SETBP1: variants seen among roughly 807,000 people sequenced by gnomAD.
SETBP1 encodes SET-binding protein.
SETBP1 carries 9 observed loss-of-function variants against 101.0 expected under a neutral mutation model. The observed-to-expected ratio is 0.09, with a 90% confidence interval of 0.05 to 0.16. The LOEUF is 0.16. Among genes scored for constraint, SETBP1 ranks in the 10% least tolerant of loss-of-function variants. The pLI is 1.00. For missense variants in SETBP1, 1,858 were observed against 2,033.8 expected, an observed-to-expected ratio of 0.91 and a Z score of 1.66; for synonymous variants, 818 against 788.5, an observed-to-expected ratio of 1.04 and a Z score of -0.63.
intron 4 of SETBP1, among the ~76,000 whole-genome samples, chr18:44,982,506 A>T (rs1228222753): frequency 2.0e-5 from 3 of 152,092 alleles, no homozygotes; most frequent in Non-Finnish European, 2.9e-5. Flanking sequence ...TGAGTTTGTC[A>T]TGAGTTGTTG....
chr18:44,818,633 G>T (rs76710546), intron 2 of SETBP1, among the ~76,000 whole-genome samples: 4,869 of 152,174 alleles, frequency 0.032, 254 homozygotes, highest in African/African-American at 0.11. Flanking sequence ...CTCATGCAAA[G>T]TTAAAGGTCT....
intron 4 of SETBP1, among the ~76,000 whole-genome samples, chr18:44,955,235 T>G (rs1040321232): frequency 9.9e-5 from 15 of 152,216 alleles, no homozygotes; most frequent in Admixed American, 9.8e-4. Context: ...TTTCATGTGC[T>G]TGCATTTATA....
chr18:44,731,803 G>A (rs1040543938), intron 2 of SETBP1, among the ~76,000 whole-genome samples: 6 of 152,064 alleles, frequency 3.9e-5, no homozygotes, highest in African/African-American at 1.2e-4. Context: ...TCTATCAAAC[G>A]GGCATAATTC....
At chr18:44,792,775 T>C (rs2071395745) in intron 2 of SETBP1, among the ~76,000 whole-genome samples, 1 of 152,134 alleles carries the variant, frequency 6.6e-6, no homozygotes, top group Non-Finnish European at 1.5e-5. Flanking sequence ...ACAACCTGAA[T>C]ACCACACACA....
At chr18:44,696,737 C>T (rs2069024668) in intron 1 of SETBP1, among the ~76,000 whole-genome samples, 2 of 152,140 alleles carry the variant, frequency 1.3e-5, no homozygotes, top group African/African-American at 4.8e-5. Flanking sequence ...CCATTCATTG[C>T]TAAGGCAAGT....
intron 4 of SETBP1, among the ~76,000 whole-genome samples, chr18:44,973,350 G>C (rs946661767): frequency 6.6e-6 from 1 of 151,776 alleles, no homozygotes; most frequent in Non-Finnish European, 1.5e-5. Flanking sequence ...TTTTTTTGTT[G>C]TGCTTCTGCC....
chr18:44,994,079 A>G (rs1184584365), intron 4 of SETBP1, among the ~76,000 whole-genome samples: 1 of 152,084 alleles, frequency 6.6e-6, no homozygotes, highest in Non-Finnish European at 1.5e-5. Flanking sequence ...CTGTGAAAAT[A>G]TTTGCATTTT....
At chr18:44,867,391 T>C (rs1226293597) in intron 2 of SETBP1, among the ~76,000 whole-genome samples, 3 of 152,202 alleles carry the variant, frequency 2.0e-5, no homozygotes, top group Non-Finnish European at 4.4e-5. Context: ...CACCTTTCCA[T>C]GTGAAATCAA....
chr18:44,784,484 C>G (rs926533896), intron 2 of SETBP1, among the ~76,000 whole-genome samples: 8 of 152,216 alleles, frequency 5.3e-5, no homozygotes, highest in Admixed American at 5.2e-4. Context: ...ATGTCACTTC[C>G]TCAGAGGGCC....
chr18:44,908,271 G>A (rs1355519935), intron 3 of SETBP1, among the ~76,000 whole-genome samples: 1 of 151,974 alleles, frequency 6.6e-6, no homozygotes, highest in Non-Finnish European at 1.5e-5. Context: ...AACTTGGCCA[G>A]GCTGGTCTTG....
At chr18:44,989,163 T>TCCC (rs2072301430) in intron 4 of SETBP1, 1 of 151,824 alleles carries the variant, frequency 6.6e-6, no homozygotes, top group Non-Finnish European at 1.5e-5. Context: ...AAAATATGAA[T>TCCC]CCCCTCAACT....
At chr18:44,799,798 A>T (rs2071563822) in intron 2 of SETBP1, among the ~76,000 whole-genome samples, 1 of 151,956 alleles carries the variant, frequency 6.6e-6, no homozygotes, top group Admixed American at 6.6e-5. Context: ...AATACTTCTG[A>T]CCTCACTCAC....
chr18:44,872,897 T>C (rs796795109), intron 3 of SETBP1, among the ~76,000 whole-genome samples: 11 of 152,318 alleles, frequency 7.2e-5, no homozygotes, highest in African/African-American at 2.6e-4. Context: ...ACTAAAGGAT[T>C]TGGTCCTCAC....
intron 3 of SETBP1, among the ~76,000 whole-genome samples, chr18:44,892,044 A>G (rs2069784050): frequency 1.3e-5 from 2 of 152,194 alleles, no homozygotes; most frequent in South Asian, 4.1e-4. Flanking sequence ...AACAACAGAA[A>G]TTAAGCTCAA....
chr18:44,685,558 T>C (rs1368781145), intron 1 of SETBP1, among the ~76,000 whole-genome samples: 1 of 152,122 alleles, frequency 6.6e-6, no homozygotes, highest in Non-Finnish European at 1.5e-5. Context: ...ACTTCCCAGT[T>C]AAATGACCCC....
chr18:44,868,994 T>A (rs2069205611), intron 2 of SETBP1, among the ~76,000 whole-genome samples: 1 of 152,044 alleles, frequency 6.6e-6, no homozygotes, highest in Admixed American at 6.5e-5. Context: ...TGATAGCACA[T>A]AGAAATAGTT....
At chr18:44,903,619 A>G (rs936572593) in intron 3 of SETBP1, among the ~76,000 whole-genome samples, 1 of 152,222 alleles carries the variant, frequency 6.6e-6, no homozygotes, top group Admixed American at 6.5e-5. Context: ...TTTGAGCTGG[A>G]CAAATACAAC....
At chr18:44,904,403 C>T (rs657426) in intron 3 of SETBP1, among the ~76,000 whole-genome samples, 46,838 of 151,942 alleles carry the variant, frequency 0.31, 7,626 homozygotes, top group Non-Finnish European at 0.35. Context: ...GCTTTGAATT[C>T]GCCTGCTCTT....
chr18:44,975,679 T>C (rs2145212427), intron 4 of SETBP1, among the ~76,000 whole-genome samples: 1 of 152,316 alleles, frequency 6.6e-6, no homozygotes, highest in South Asian at 2.1e-4. Flanking sequence ...TAACTTCGCA[T>C]AGCTTTCAAC....
Sources: allele counts gnomAD v4.1 joint callset (sites outside exome capture counted in the v4.1 genomes callset), GRCh38; gene constraint gnomAD v4.1.1; transcripts MANE v1.5; gene names NCBI Gene and HGNC (gene_info 2026-07-23, HGNC 2026-07-21).